Variants in MAN2A1 observed in about 807,000 individuals in gnomAD.
The protein encoded by MAN2A1 is alpha-mannosidase 2.
MAN2A1 carries 76 observed loss-of-function variants against 142.6 expected under a neutral mutation model. That is an observed-to-expected ratio of 0.53 (90% CI 0.44 to 0.65). The LOEUF (loss-of-function observed/expected upper bound fraction) is 0.65. Among genes scored for constraint, MAN2A1 ranks in the 30% least tolerant of loss-of-function variants. The pLI is 0.00. For missense variants in MAN2A1, 1,311 were observed against 1,365.1 expected, an observed-to-expected ratio of 0.96 and a Z score of 0.62; for synonymous variants, 559 against 473.2, an observed-to-expected ratio of 1.18 and a Z score of -2.35.
At chr5:109,715,153 C>G (rs1751417162) in intron 2 of MAN2A1, among the ~76,000 whole-genome samples, 1 of 151,834 alleles carries the variant, frequency 6.6e-6, no homozygotes, top group Non-Finnish European at 1.5e-5. Context: ...ATCCTCCTGC[C>G]CAGCTTGTTT....
At chr5:109,847,275 T>G (rs1326087197) in intron 18 of MAN2A1, among the ~76,000 whole-genome samples, 3 of 152,184 alleles carry the variant, frequency 2.0e-5, no homozygotes, top group African/African-American at 7.2e-5. Flanking sequence ...CATTTCCTAA[T>G]AAACCTCATA....
chr5:109,866,257 T>TA (rs3839280), intron 21 of MAN2A1, among the ~76,000 whole-genome samples: 27,853 of 152,060 alleles, frequency 0.18, 3,395 homozygotes, highest in East Asian at 0.63. Context: ...AAGGGGGTTA[T>TA]ACGATCCAGA....
At position 109,817,404 on chromosome 5, in the gene MAN2A1, A is replaced by G. The variant is rs747625096; in HGVS notation, c.2075A>G (p.Asp692Gly). The G allele has an allele frequency of 7.4e-6, 12 of 1,613,958 alleles. No homozygotes were observed. In the East Asian group the frequency reaches 2.2e-4, roughly 30 times the overall value. The change falls in exon 13 of 22, where the codon GAT becomes GGT. Residue 692 changes from aspartate to glycine, a missense_variant. Physicochemically the swap from Asp to Gly is moderately conservative, Grantham distance 94. Coordinates refer to ENST00000261483, the MANE Select transcript of MAN2A1 (RefSeq NM_002372.4). Reference protein sequence around the residue: ...PVEVQVSAVWDTANTISETAY... With the variant: ...PVEVQVSAVWGTANTISETAY... ...GAAGTTCAAGTCAGCGCAGTTTGGG[A>G]TACAGCAAATACTATTTCAGAAACA...
chr5:109,725,239 A>G (rs1050449641), intron 3 of MAN2A1, among the ~76,000 whole-genome samples: 2 of 152,214 alleles, frequency 1.3e-5, no homozygotes, highest in Admixed American at 1.3e-4. Context: ...TAGAAGACCA[A>G]ATGTAGGTTT....
chr5:109,718,227 A>G (rs1359900560), intron 3 of MAN2A1, among the ~76,000 whole-genome samples: 20 of 152,190 alleles, frequency 1.3e-4, no homozygotes. Flanking sequence ...GTGTCTTGTG[A>G]GTCTTCCTCA....
intron 20 of MAN2A1, among the ~76,000 whole-genome samples, chr5:109,857,658 C>CT (rs1454866365): frequency 6.6e-6 from 1 of 152,108 alleles, no homozygotes; most frequent in Non-Finnish European, 1.5e-5. Flanking sequence ...TTTATGTCAC[C>CT]TTTTTTTGTG....
At chr5:109,729,688 T>TTAA (rs1751846314) in intron 4 of MAN2A1, among the ~76,000 whole-genome samples, 175 bp downstream of exon 4, 1 of 152,156 alleles carries the variant, frequency 6.6e-6, no homozygotes, top group Non-Finnish European at 1.5e-5. Flanking sequence ...CATTTGAAAC[T>TTAA]TTTCCATTTA....
chr5:109,789,350 A>G (rs1753680521), intron 11 of MAN2A1, 110 bp from the exon 12 acceptor site: 7 of 633,982 alleles, frequency 1.1e-5, no homozygotes, highest in Admixed American at 3.6e-5. Flanking sequence ...TTAACTTTTT[A>G]TAAGTCCTTA....
chr5:109,792,170 A>C (rs770119693), intron 12 of MAN2A1, among the ~76,000 whole-genome samples: 10 of 151,950 alleles, frequency 6.6e-5, no homozygotes, highest in Non-Finnish European at 1.5e-4. Context: ...AGTTCCTCTG[A>C]TTTTCTCCAT....
chr5:109,721,672 T>A (rs1446622183), intron 3 of MAN2A1, among the ~76,000 whole-genome samples: 1 of 152,182 alleles, frequency 6.6e-6, no homozygotes, highest in Non-Finnish European at 1.5e-5. Flanking sequence ...TGTATTGAGA[T>A]TCTGTTTTAG....
At chr5:109,853,660 T>A (rs776735424) in intron 19 of MAN2A1, 1 of 152,200 alleles carries the variant, frequency 6.6e-6, no homozygotes, top group Non-Finnish European at 1.5e-5. Context: ...TTGAATCTTT[T>A]ATGTTTTATT....
intron 1 of MAN2A1, among the ~76,000 whole-genome samples, chr5:109,702,970 G>A (rs1407030152): frequency 1.3e-5 from 2 of 152,146 alleles, no homozygotes; most frequent in African/African-American, 4.8e-5. Context: ...TAATAATTCA[G>A]ATGAGACTTG....
At position 109,828,791 on chromosome 5, in the gene MAN2A1, G is replaced by A. The variant is rs139355035; in HGVS notation, c.2566+4954G>A. Among the ~76,000 whole-genome samples the A allele has an allele frequency of 1.4e-3, 213 of 152,322 alleles. 4 individuals carry two copies. In the East Asian group the frequency reaches 0.03, roughly 22 times the overall value. On this transcript the variant is annotated intron_variant, in intron 16 of 21. Coordinates refer to ENST00000261483, the MANE Select transcript of MAN2A1 (RefSeq NM_002372.4). ...GGATCTTACTCAAAGAAAACAAGCA[G>A]CCTGGAGGTAAAATGTAATGAACTG... is the stretch of plus-strand genomic sequence containing the variant.
At position 109,789,055 on chromosome 5, in the gene MAN2A1, A is replaced by G. The variant is rs772394988; in HGVS notation, c.1875+7A>G. The G allele has an allele frequency of 1.5e-6, 2 of 1,360,326 alleles. No individual in the cohort carries two copies. Among genetic ancestry groups the G allele is most frequent in the East Asian group, 2.3e-5 (1 of 43,120 alleles). 84.3% of individuals were successfully genotyped at this position (1,360,326 alleles called of 1,614,324 possible). On this transcript the variant is annotated splice_region_variant and intron_variant, in intron 11 of 21. Transcript: ENST00000261483. ...TGATACCTTCCTGGAGATGGTTAGT[A>G]ATTTCATCTATGGTCATCATAAAAA...
At chr5:109,820,054 T>C (rs1347295390) in intron 14 of MAN2A1, among the ~76,000 whole-genome samples, 166 bp from the exon 15 acceptor site, 1 of 152,216 alleles carries the variant, frequency 6.6e-6, no homozygotes, top group Non-Finnish European at 1.5e-5. Context: ...CACTTGCTGC[T>C]CACATGTATA....
intron 1 of MAN2A1, among the ~76,000 whole-genome samples, chr5:109,700,019 G>A (rs529675272): frequency 2.0e-5 from 3 of 152,236 alleles, no homozygotes; most frequent in Non-Finnish European, 2.9e-5. Flanking sequence ...TAGAGCAAGT[G>A]GAGTCTCTTA....
intron 8 of MAN2A1, among the ~76,000 whole-genome samples, chr5:109,778,669 C>T (rs1311334871): frequency 6.6e-6 from 1 of 152,006 alleles, no homozygotes; most frequent in Non-Finnish European, 1.5e-5. Context: ...ATAGGGTCCA[C>T]CTTAATGCAT....
rs116219358 is a variant in MAN2A1, at chr5:109,714,265, G to A, written c.390+491G>A. Among the ~76,000 whole-genome samples, 543 of 151,812 alleles carry A rather than the reference G, an allele frequency of 3.6e-3. 5 individuals are homozygous for A. Among genetic ancestry groups the A allele is most frequent in the African/African-American group, 0.013 (525 of 41,342 alleles). On this transcript the variant is annotated intron_variant, in intron 2 of 21. Transcript: ENST00000261483. The stretch of plus-strand genomic sequence containing the variant: ...TTCCAGTATGGAAGCCCCTGTCTGC[G>A]TGTGGCTACTGAGCACTTGAAATGT...
intron 1 of MAN2A1, among the ~76,000 whole-genome samples, chr5:109,693,185 AC>A (rs3216684): frequency 0.32 from 48,400 of 151,816 alleles, 8,247 homozygotes; most frequent in East Asian, 0.67. Flanking sequence ...AGAGATTTAT[AC>A]CCTTCCCAGA....
Sources: gnomAD v4.1 joint callset for allele counts (sites outside exome capture counted in the v4.1 genomes callset) on GRCh38, gnomAD v4.1.1 for gene constraint, MANE v1.5 for transcripts, NCBI Gene and HGNC (gene_info 2026-07-23, HGNC 2026-07-21) for gene names.